SP2: variants seen among roughly 807,000 people sequenced by gnomAD.
SP2 encodes the protein transcription factor Sp2.
In SP2, 9 loss-of-function variants were observed where a neutral mutation model predicts 50.1. The observed-to-expected ratio is 0.18, with a 90% CI of 0.11 to 0.31. The LOEUF (loss-of-function observed/expected upper bound fraction) is 0.31. SP2 is among the 10% of genes least tolerant of loss of function. The probability of loss-of-function intolerance (pLI) is 1.00; values close to 1 mark genes in which losing one functional copy is unlikely to be tolerated. For missense variants in SP2, 581 were observed against 806.5 expected (o/e 0.72, Z 3.39); for synonymous variants, 313 against 326.6 (o/e 0.96, Z 0.45).
At chr17:47,907,743 A>G (rs1397445609) in intron 1 of SP2, among the ~76,000 whole-genome samples, 1 of 152,198 alleles carries the variant, frequency 6.6e-6, no homozygotes, top group Non-Finnish European at 1.5e-5. Flanking sequence ...TCCCTTTGCA[A>G]TCTTCGAACA....
At chr17:47,927,501 C>T (rs1338417888) in intron 6 of SP2, among the ~76,000 whole-genome samples, 1 of 140,798 alleles carries the variant, frequency 7.1e-6, no homozygotes, top group African/African-American at 2.7e-5. Context: ...CACTGCACTC[C>T]AGCCTGGCCA....
At chr17:47,915,834 C>G (rs12944587) in intron 2 of SP2, among the ~76,000 whole-genome samples, 5,725 of 152,248 alleles carry the variant, frequency 0.038, 386 homozygotes, top group African/African-American at 0.13. Flanking sequence ...CATCTGAGAG[C>G]CAAACATGCT....
At chr17:47,904,170 T>C (rs10459927) in intron 1 of SP2, among the ~76,000 whole-genome samples, 73,342 of 146,632 alleles carry the variant, frequency 0.5, 18,391 homozygotes, top group East Asian at 0.77. Flanking sequence ...GAGGCTGAGG[T>C]AGGAGAATGG....
Position 47,925,109 on chromosome 17 carries a change from G to GTTC in SP2, c.1547+16_1547+17insTTC. 1 of 1,584,416 alleles carries GTTC rather than the reference G, an allele frequency of 6.3e-7. No homozygotes were observed. On this transcript the variant is annotated intron_variant, in intron 5 of 6. Coordinates refer to ENST00000376741, the MANE Select transcript of SP2 (RefSeq NM_003110.6). ...GGGAGAAGAGGTAATTCAAGGAGAA[G>GTTC]GCCCAAGCCACAAGGCTGGCCTGTG...
chr17:47,924,246 C>T (rs1043168535), intron 4 of SP2, among the ~76,000 whole-genome samples: 12 of 152,108 alleles, frequency 7.9e-5, no homozygotes, highest in African/African-American at 2.9e-4. Flanking sequence ...AGCAGTCCTC[C>T]TACTTCTTCT....
intron 1 of SP2, among the ~76,000 whole-genome samples, chr17:47,915,018 G>C (rs1346158694): frequency 6.6e-6 from 1 of 152,090 alleles, no homozygotes; most frequent in Non-Finnish European, 1.5e-5. Context: ...TTCGAGATCA[G>C]TCTGGACAAC....
At chr17:47,911,367 C>G (rs1025697532) in intron 1 of SP2, among the ~76,000 whole-genome samples, 1 of 150,814 alleles carries the variant, frequency 6.6e-6, no homozygotes, top group Non-Finnish European at 1.5e-5. Flanking sequence ...CAAGGCAAAA[C>G]CCCGTCTCTA....
At chr17:47,923,751 AT>A (rs548605867) in intron 4 of SP2, among the ~76,000 whole-genome samples, 50 of 150,732 alleles carry the variant, frequency 3.3e-4, no homozygotes, top group African/African-American at 1.1e-3. Flanking sequence ...TCCTTAATGA[AT>A]TTTTTTTTTG....
At chr17:47,929,718 A>T (rs2035781291), downstream of SP2, 1 of 152,690 alleles carries the variant, frequency 6.5e-6, no homozygotes, top group Non-Finnish European at 1.5e-5. Context: ...GAGCTAGCTC[A>T]GTACATGTGT....
chr17:47,918,907 C>T (rs925009398), intron 3 of SP2, among the ~76,000 whole-genome samples: 5 of 152,094 alleles, frequency 3.3e-5, no homozygotes, highest in African/African-American at 1.2e-4. Context: ...ACAGTAGTAG[C>T]ACAGTTAAGT....
At position 47,916,726 on chromosome 17, in the gene SP2, C is replaced by T; in HGVS notation, c.655C>T (p.Leu219Phe). ...NVTLTLPVNN[L>F]VNASDTGAPT... ...GACGCTCACTCTGCCCGTCAACAAC[C>T]TTGTGAACGCCAGTGACACCGGGGC... is the stretch of plus-strand genomic sequence containing the variant. Residue 219 changes from leucine to phenylalanine, a missense_variant, in exon 3 of 7, where the codon CTT (leucine) becomes TTT (phenylalanine). Physicochemically the swap from Leu to Phe is conservative, Grantham distance 22. This residue lies in a region of SP2 where 397 missense variants were observed against 491.0 expected (regional missense o/e 0.81). Transcript: ENST00000376741. The surrounding 1 kb of genome is among the most constrained non-coding windows in gnomAD (Gnocchi z 4.7). 1.9e-6 allele frequency: 3 copies of T among 1,613,128 alleles called. No individual in the cohort carries two copies. Among genetic ancestry groups the T allele is most frequent in the Non-Finnish European group, 2.5e-6 (3 of 1,179,374 alleles).
Position 47,896,394 on chromosome 17 carries a change from CT to C in SP2, c.7+102del, listed in dbSNP as rs1374484561. 9 of 1,002,498 alleles carry C rather than the reference CT, an allele frequency of 9.0e-6. No individual in the cohort carries two copies. The African/African-American group carries it at 1.3e-4, about 15-fold the overall frequency. 62.1% of individuals were successfully genotyped at this position (1,002,498 alleles called of 1,614,324 possible). A position where few individuals can be genotyped will look rare whatever the true frequency, so the allele number is the denominator to read the frequency against. ...GGGAGCCGAGGCCGGGGGTTCCCCC[CT>C]GGGGCTGGGTCTGGCGTCGGGGCCC... On this transcript the variant is annotated intron_variant, in intron 1 of 6. Coordinates refer to ENST00000376741, the MANE Select transcript of SP2 (RefSeq NM_003110.6).
chr17:47,909,742 G>C (rs1477972788), intron 1 of SP2: 1 of 966,258 alleles, frequency 1.0e-6, no homozygotes, highest in African/African-American at 1.8e-5. Context: ...TATGGAGCCT[G>C]ATGTTCTTAA....
chr17:47,927,845 C>G lies in SP2; in HGVS notation c.*21C>G. The G allele has an allele frequency of 7.0e-7, 1 of 1,426,000 alleles. No individual in the cohort carries two copies. Among genetic ancestry groups the G allele is most frequent in the Non-Finnish European group, 9.7e-7 (1 of 1,027,252 alleles). The allele number at this position is 1,426,000 out of a possible 1,614,324, so 88.3% of individuals were successfully genotyped here. A position where few individuals can be genotyped will look rare whatever the true frequency, so the allele number is the denominator to read the frequency against. ...TGTAAGGCCAACTGCGGCGGGAGGC[C>G]CTGAAGATGCAGTCCCCCACCTGTG... On this transcript the variant is annotated 3_prime_UTR_variant, in exon 7 of 7. Coordinates refer to ENST00000376741, the MANE Select transcript of SP2 (RefSeq NM_003110.6).
chr17:47,930,159 C>T (rs528110227), downstream of SP2, among the ~76,000 whole-genome samples: 7 of 152,294 alleles, frequency 4.6e-5, no homozygotes, highest in Non-Finnish European at 7.3e-5. Flanking sequence ...ATCTCATCAC[C>T]GCACTGGCAG....
intron 6 of SP2, 66 bp downstream of exon 6, chr17:47,925,607 C>T (rs1038507929): frequency 5.3e-6 from 7 of 1,320,274 alleles, no homozygotes; most frequent in African/African-American, 1.4e-5. Context: ...CTCCCACCCC[C>T]ACTCTACCGG....
At position 47,916,828 on chromosome 17, in the gene SP2, C is replaced by A; in HGVS notation, c.757C>A (p.Pro253Thr). Residue 253 changes from proline (P) to threonine (T), a missense_variant, in exon 3 of 7, where the codon CCT becomes ACT. By Grantham distance (38) the Pro-to-Thr change is conservative. This residue lies in a region of SP2 where 397 missense variants were observed against 491.0 expected (regional missense o/e 0.81). Transcript: ENST00000376741. The surrounding 1 kb of genome is among the most constrained non-coding windows in gnomAD (Gnocchi z 4.7). The stretch of plus-strand genomic sequence containing the variant: ...CAAGAAAGCAAGGAAGAAGAGCCTT[C>A]CTGCCTCCCAGCCCCCTGTGGCTGT... Reference protein sequence around the residue: ...TNKKARKKSLPASQPPVAVAE... With the variant: ...TNKKARKKSLTASQPPVAVAE... 1 of 1,614,198 alleles carries A rather than the reference C, an allele frequency of 6.2e-7. No individual in the cohort carries two copies.
intron 1 of SP2, chr17:47,898,289 C>T (rs1790495233): frequency 6.6e-6 from 1 of 152,208 alleles, no homozygotes; most frequent in Admixed American, 6.5e-5. Flanking sequence ...GGTAAAGAAG[C>T]TTTATGGCAT....
Position 47,923,159 on chromosome 17 carries a change from G to A in SP2, c.1257G>A (p.Gly419=). The change falls in exon 4 of 7, where the codon GGG becomes GGA. Residue 419 remains glycine, a synonymous_variant. Transcript: ENST00000376741. ...ERPLPKIAPA[G]SIISLNAAQL... is the part of the protein sequence containing the mutation. ...CCCTGCCAAAGATTGCCCCAGCCGGGAGCATCATCAGCCTGAATGCAGCCC... is the reference window on the plus strand; with the variant it reads ...CCCTGCCAAAGATTGCCCCAGCCGGAAGCATCATCAGCCTGAATGCAGCCC... 6.2e-7 allele frequency: 1 copy of A among 1,614,204 alleles called. No individual in the cohort carries two copies. The highest frequency in any genetic ancestry group is 1.3e-5 in the African/African-American group (1 of 75,064).
Sources: gnomAD v4.1 joint callset for allele counts (sites outside exome capture counted in the v4.1 genomes callset) on GRCh38, gnomAD v4.1.1 for gene constraint, gnomAD v4.1.1 regional missense constraint, Gnocchi (gnomAD v3.1) non-coding constraint, MANE v1.5 for transcripts, NCBI Gene and HGNC (gene_info 2026-07-23, HGNC 2026-07-21) for gene names.